SGCZ: variants seen among roughly 807,000 people sequenced by gnomAD.
SGCZ encodes the protein zeta-sarcoglycan.
SGCZ carries 40 observed loss-of-function variants against 41.3 expected under a neutral mutation model. That is an observed-to-expected ratio of 0.97 (90% CI 0.75 to 1.26). The LOEUF is 1.26. SGCZ is among the 50% of genes most tolerant of loss of function. The pLI, the probability that SGCZ is intolerant of heterozygous loss-of-function variation, is 0.00. For synonymous variants in SGCZ, 206 were observed against 137.5 expected (o/e 1.50, Z -3.49); for missense variants, 552 against 369.8 (o/e 1.49, Z -4.04).
chr8:15,051,238 G>A (rs192448383), intron 1 of SGCZ, among the ~76,000 whole-genome samples: 1 of 152,224 alleles, frequency 6.6e-6, no homozygotes, highest in Non-Finnish European at 1.5e-5. Flanking sequence ...GGGTAAAAAT[G>A]GGGAAAGGAC....
chr8:14,932,515 T>G (rs1799947732), intron 1 of SGCZ, among the ~76,000 whole-genome samples: 1 of 151,970 alleles, frequency 6.6e-6, no homozygotes, highest in South Asian at 2.1e-4. Context: ...CCCTTAATTT[T>G]AAGAGAGAAA....
intron 5 of SGCZ, among the ~76,000 whole-genome samples, chr8:14,125,163 C>T (rs1276701144): frequency 6.6e-6 from 1 of 152,102 alleles, no homozygotes; most frequent in African/African-American, 2.4e-5. Context: ...AATGGGAAAA[C>T]ATTCCATCCT....
At chr8:14,187,941 A>G (rs928840339) in intron 4 of SGCZ, among the ~76,000 whole-genome samples, 8 of 152,198 alleles carry the variant, frequency 5.3e-5, no homozygotes, top group Non-Finnish European at 1.2e-4. Context: ...GAAAGGAGCA[A>G]GAGAAAAATG....
intron 1 of SGCZ, among the ~76,000 whole-genome samples, chr8:14,946,481 A>G (rs899393869): frequency 2.3e-4 from 35 of 152,016 alleles, no homozygotes; most frequent in African/African-American, 8.2e-4. Context: ...TGCCTCAGGT[A>G]TTTCCACCTG....
At chr8:14,965,422 G>A (rs551003702) in intron 1 of SGCZ, among the ~76,000 whole-genome samples, 3 of 152,226 alleles carry the variant, frequency 2.0e-5, no homozygotes, top group Non-Finnish European at 2.9e-5. Flanking sequence ...CGCCAAAGAT[G>A]AGTGAGAAAA....
intron 1 of SGCZ, among the ~76,000 whole-genome samples, chr8:14,868,547 C>T (rs1804018183): frequency 1.3e-5 from 2 of 151,964 alleles, no homozygotes; most frequent in Non-Finnish European, 2.9e-5. Context: ...ATGACTGAAT[C>T]GAGTAATTGA....
At chr8:14,324,308 T>C in intron 2 of SGCZ, 104 bp from the exon 3 acceptor site, 1 of 797,040 alleles carries the variant, frequency 1.3e-6, no homozygotes, top group Non-Finnish European at 2.1e-6. Flanking sequence ...CTCAAATCAG[T>C]GATGATTTAA....
chr8:14,829,311 T>C (rs1802445923), intron 1 of SGCZ, among the ~76,000 whole-genome samples: 1 of 142,374 alleles, frequency 7.0e-6, no homozygotes, highest in African/African-American at 2.9e-5. Context: ...TGCATTGACA[T>C]CATTAAATTC....
intron 2 of SGCZ, among the ~76,000 whole-genome samples, chr8:14,482,316 C>T (rs1801556382): frequency 6.6e-6 from 1 of 152,174 alleles, no homozygotes; most frequent in African/African-American, 2.4e-5. Context: ...TTACGGAAAG[C>T]ATACATAATT....
chr8:14,408,034 A>G (rs1206853689), intron 2 of SGCZ, among the ~76,000 whole-genome samples: 1 of 152,204 alleles, frequency 6.6e-6, no homozygotes, highest in Non-Finnish European at 1.5e-5. Context: ...AAGGAAATAG[A>G]TATTTCATTT....
intron 1 of SGCZ, among the ~76,000 whole-genome samples, chr8:14,849,152 A>G (rs986658105): frequency 9.9e-5 from 15 of 152,164 alleles, no homozygotes; most frequent in African/African-American, 3.1e-4. Context: ...TAGAATATCT[A>G]AAATTAAAGA....
At chr8:14,986,631 A>G (rs1029490642) in intron 1 of SGCZ, among the ~76,000 whole-genome samples, 8 of 152,066 alleles carry the variant, frequency 5.3e-5, no homozygotes, top group South Asian at 2.1e-4. Context: ...ACTAAGTGTT[A>G]CAATATTCAA....
intron 1 of SGCZ, among the ~76,000 whole-genome samples, chr8:14,884,838 C>G (rs1804729149): frequency 6.6e-6 from 1 of 152,082 alleles, no homozygotes; most frequent in Non-Finnish European, 1.5e-5. Flanking sequence ...TACCCCATCT[C>G]CTTTCAATCC....
At chr8:14,376,472 C>G (rs2117177127) in intron 2 of SGCZ, among the ~76,000 whole-genome samples, 1 of 152,250 alleles carries the variant, frequency 6.6e-6, no homozygotes, top group East Asian at 1.9e-4. Context: ...CAGGGAAACA[C>G]AGTTCATGAA....
chr8:14,245,393 T>G (rs568820724), intron 3 of SGCZ, among the ~76,000 whole-genome samples: 3 of 152,140 alleles, frequency 2.0e-5, no homozygotes, highest in Non-Finnish European at 4.4e-5. Flanking sequence ...GCTAGCCATA[T>G]GTAGAAAGCT....
intron 4 of SGCZ, among the ~76,000 whole-genome samples, chr8:14,210,064 TTC>T (rs1585234659): frequency 6.6e-6 from 1 of 152,174 alleles, no homozygotes; most frequent in East Asian, 1.9e-4. Flanking sequence ...GTTTGTTTGT[TTC>T]TCTTTCTTTG....
chr8:14,891,684 G>C (rs1805025032), intron 1 of SGCZ, among the ~76,000 whole-genome samples: 2 of 152,208 alleles, frequency 1.3e-5, no homozygotes, highest in African/African-American at 4.8e-5. Context: ...GTTCTACTGT[G>C]AGCAAAATGC....
At chr8:14,381,972 G>C (rs934370533) in intron 2 of SGCZ, among the ~76,000 whole-genome samples, 3 of 152,066 alleles carry the variant, frequency 2.0e-5, no homozygotes, top group African/African-American at 7.2e-5. Context: ...TTAGTTCCTT[G>C]TTGGTCAAAT....
At chr8:14,956,385 G>A (rs1297976153) in intron 1 of SGCZ, among the ~76,000 whole-genome samples, 2 of 152,018 alleles carry the variant, frequency 1.3e-5, no homozygotes, top group East Asian at 1.9e-4. Flanking sequence ...TGCACAGTCT[G>A]TTCCCTTCCC....
Sources: allele counts gnomAD v4.1 joint callset (sites outside exome capture counted in the v4.1 genomes callset), GRCh38; gene constraint gnomAD v4.1.1; transcripts MANE v1.5; gene names NCBI Gene and HGNC (gene_info 2026-07-23, HGNC 2026-07-21).